The following DYM variants were observed in gnomAD, a reference collection of about 807,000 sequenced individuals.
DYM encodes the protein dyggve-Melchior-Clausen syndrome protein.
DYM carries 78 observed loss-of-function variants against 93.1 expected under a neutral mutation model. That is an observed-to-expected ratio of 0.84 (90% confidence interval 0.70 to 1.01). The LOEUF is 1.01. DYM is among the 50% of genes least tolerant of loss of function. The pLI is 0.00. For synonymous variants in DYM, 321 were observed against 319.7 expected (o/e 1.00, Z -0.04); for missense variants, 789 against 845.0 (o/e 0.93, Z 0.82).
At chr18:49,308,447 G>C (rs984821687) in intron 8 of DYM, among the ~76,000 whole-genome samples, 1 of 152,130 alleles carries the variant, frequency 6.6e-6, no homozygotes, top group Non-Finnish European at 1.5e-5. Context: ...GATAGAGACA[G>C]ATGGTATCAT....
At chr18:49,299,052 G>A (rs2060737283) in intron 8 of DYM, among the ~76,000 whole-genome samples, 1 of 152,142 alleles carries the variant, frequency 6.6e-6, no homozygotes, top group South Asian at 2.1e-4. Flanking sequence ...CTTTAAACAA[G>A]TCTGAGTCCG....
At chr18:49,102,399 G>T (rs2080258416) in intron 16 of DYM, among the ~76,000 whole-genome samples, 1 of 151,950 alleles carries the variant, frequency 6.6e-6, no homozygotes, top group African/African-American at 2.4e-5. Context: ...CAAGTATTTG[G>T]AGATTTTCCA....
chr18:49,286,603 A>C lies in DYM; in HGVS notation c.777T>G (p.Thr259=). ...TGCCCACACCACCTAGTGTGAAGAC[A>C]GTCCAGAGTCCTGCTGGGGAGGAAA... ...LASGVATGLW[T]VFTLGGVGSK... is the part of the protein sequence containing the mutation. The change falls in exon 9 of 18, where the codon ACT becomes ACG. Residue 259 remains threonine, a synonymous_variant. Coordinates refer to ENST00000675505, the MANE Select transcript of DYM (RefSeq NM_001353214.3). The C allele has an allele frequency of 6.2e-7, 1 of 1,613,954 alleles. No individual in the cohort carries two copies. The highest frequency in any genetic ancestry group is 8.5e-7 in the Non-Finnish European group (1 of 1,179,952).
intron 1 of DYM, among the ~76,000 whole-genome samples, chr18:49,438,407 T>C (rs2081045559): frequency 6.6e-6 from 1 of 151,952 alleles, no homozygotes; most frequent in Non-Finnish European, 1.5e-5. Flanking sequence ...TACACAGCCA[T>C]GCTAAAAAAA....
At position 49,099,466 on chromosome 18, in the gene DYM, G is replaced by C. The variant is rs539124855; in HGVS notation, c.1912-1951C>G. Among the ~76,000 whole-genome samples, 445 of 152,068 alleles carry C rather than the reference G, an allele frequency of 2.9e-3. 1 individual carries two copies. Among genetic ancestry groups the C allele is most frequent in the African/African-American group, 9.4e-3 (391 of 41,492 alleles). ...CTTTTCAAGTTGTACACATCTACAAGTAAAAAAATGAGGATGTGCTTGCAA... is the reference window on the plus strand; with the variant it reads ...CTTTTCAAGTTGTACACATCTACAACTAAAAAAATGAGGATGTGCTTGCAA... On this transcript the variant is annotated intron_variant, in intron 16 of 17. Transcript: ENST00000675505.
chr18:49,286,289 A>G (rs2059657717), intron 9 of DYM, 145 bp downstream of exon 9: 1 of 902,618 alleles, frequency 1.1e-6, no homozygotes, highest in African/African-American at 1.7e-5. Context: ...TAATATTGAC[A>G]GGAAAAGCTA....
intron 10 of DYM, among the ~76,000 whole-genome samples, chr18:49,273,649 C>T (rs951925022): frequency 1.3e-5 from 2 of 152,070 alleles, no homozygotes; most frequent in Non-Finnish European, 2.9e-5. Flanking sequence ...GGTTTATGGC[C>T]TAGGAGCCAT....
chr18:49,096,497 G>A (rs564824197), intron 17 of DYM, among the ~76,000 whole-genome samples: 2 of 152,212 alleles, frequency 1.3e-5, no homozygotes, highest in South Asian at 2.1e-4. Context: ...CACTATGAAG[G>A]CCAAATATCC....
chr18:49,426,564 A>T (rs2074311464), intron 2 of DYM, among the ~76,000 whole-genome samples: 1 of 151,556 alleles, frequency 6.6e-6, no homozygotes, highest in African/African-American at 2.4e-5. Flanking sequence ...ATAATAAAAA[A>T]ATTAAAATTT....
At chr18:49,168,307 T>G (rs1274573213) in intron 14 of DYM, among the ~76,000 whole-genome samples, 1 of 152,204 alleles carries the variant, frequency 6.6e-6, no homozygotes. Context: ...GAGAGTGGTA[T>G]ATTGCTCTAT....
At chr18:49,098,247 T>G (rs914341722) in intron 16 of DYM, among the ~76,000 whole-genome samples, 1 of 152,260 alleles carries the variant, frequency 6.6e-6, no homozygotes, top group Admixed American at 6.5e-5. Flanking sequence ...TTTAGGTGTT[T>G]ATAGTCAGAC....
intron 15 of DYM, among the ~76,000 whole-genome samples, chr18:49,146,061 T>G (rs2085100337): frequency 6.6e-6 from 1 of 152,180 alleles, no homozygotes; most frequent in South Asian, 2.1e-4. Context: ...CTTTTCTTCC[T>G]CCTCCTTCTC....
At chr18:49,295,999 G>T (rs1404003114) in intron 8 of DYM, among the ~76,000 whole-genome samples, 1 of 152,088 alleles carries the variant, frequency 6.6e-6, no homozygotes, top group Non-Finnish European at 1.5e-5. Flanking sequence ...CTCGCTAACT[G>T]CAACTTCCAC....
intron 1 of DYM, among the ~76,000 whole-genome samples, chr18:49,433,974 C>T (rs1047708165): frequency 3.3e-5 from 5 of 152,160 alleles, no homozygotes; most frequent in African/African-American, 1.2e-4. Flanking sequence ...CCCTGAGAGG[C>T]CAAGGCGGAT....
At chr18:49,238,685 T>TC (rs1251598896) in intron 13 of DYM, among the ~76,000 whole-genome samples, 2 of 151,650 alleles carry the variant, frequency 1.3e-5, no homozygotes, top group African/African-American at 4.8e-5. Flanking sequence ...CATCTCCCTA[T>TC]CAAATTTCCT....
intron 17 of DYM, among the ~76,000 whole-genome samples, chr18:49,096,545 C>T (rs1739996500): frequency 6.6e-6 from 1 of 152,102 alleles, no homozygotes; most frequent in African/African-American, 2.4e-5. Flanking sequence ...GGTGAAAGCA[C>T]TCTAAAAAAT....
chr18:49,220,124 A>G (rs1452480421), intron 13 of DYM, among the ~76,000 whole-genome samples: 1 of 152,200 alleles, frequency 6.6e-6, no homozygotes, highest in Admixed American at 6.5e-5. Flanking sequence ...ACAAACAGAG[A>G]GCCAAATCAT....
At chr18:49,309,037 G>T (rs1206315267) in intron 8 of DYM, among the ~76,000 whole-genome samples, 1 of 150,102 alleles carries the variant, frequency 6.7e-6, no homozygotes, top group Non-Finnish European at 1.5e-5. Flanking sequence ...AACAAGATAG[G>T]ATTTTAAAAG....
In DYM at chr18:49,428,185, C is replaced by T. The variant is rs115003203; in HGVS notation, c.140+2070G>A. ...GAAAGAAGCCAGTCACGGCGGGGCG[C>T]AGTGGCTCACACTTGTAATCCCAGC... On this transcript the variant is annotated intron_variant, in intron 2 of 17. Coordinates refer to ENST00000675505, the MANE Select transcript of DYM (RefSeq NM_001353214.3). 4.0e-3 allele frequency among the ~76,000 whole-genome samples: 593 copies of T among 149,398 alleles called. 2 individuals are homozygous for T. The highest frequency in any genetic ancestry group is 0.014 in the African/African-American group (576 of 41,266).
Sources: gnomAD v4.1 joint callset for allele counts (sites outside exome capture counted in the v4.1 genomes callset) on GRCh38, gnomAD v4.1.1 for gene constraint, MANE v1.5 for transcripts, NCBI Gene and HGNC (gene_info 2026-07-23, HGNC 2026-07-21) for gene names.